Variants in CCDC171 observed in about 807,000 individuals in gnomAD.
The protein encoded by CCDC171 is coiled-coil domain containing 171, also known as coiled-coil domain-containing protein 171.
A neutral mutation model predicts 168.2 loss-of-function variants in CCDC171; 177 were observed. The observed-to-expected ratio is 1.05, with a 90% CI of 0.93 to 1.19. The LOEUF (loss-of-function observed/expected upper bound fraction) is 1.19, where lower values mean the gene tolerates loss of function less well. Ranked by LOEUF, CCDC171 falls within the 50% of genes most tolerant of loss-of-function variation. The pLI, the probability that CCDC171 is intolerant of heterozygous loss-of-function variation, is 0.00. For missense variants in CCDC171, 1,991 were observed against 1,539.0 expected (o/e 1.29, Z -4.91); for synonymous variants, 687 against 540.8 (o/e 1.27, Z -3.75).
intron 24 of CCDC171, among the ~76,000 whole-genome samples, chr9:15,908,741 C>T (rs1420341636): frequency 6.6e-6 from 1 of 152,056 alleles, no homozygotes. Flanking sequence ...AGGGAAGCTT[C>T]AGGAAGCTTA....
At chr9:15,724,729 T>A in intron 13 of CCDC171, 47 bp from the exon 14 acceptor site, 1 of 1,361,960 alleles carries the variant, frequency 7.3e-7, no homozygotes, top group Non-Finnish European at 1.0e-6. Context: ...CCCTCACCCC[T>A]TGTTGGCTGG....
chr9:15,921,118 C>T (rs373757682), intron 25 of CCDC171, among the ~76,000 whole-genome samples: 1 of 151,644 alleles, frequency 6.6e-6, no homozygotes, highest in Non-Finnish European at 1.5e-5. Context: ...ATTGGAATGT[C>T]TTTTTAATTT....
At chr9:15,625,245 A>G (rs1413306603) in intron 7 of CCDC171, among the ~76,000 whole-genome samples, 2 of 151,896 alleles carry the variant, frequency 1.3e-5, no homozygotes, top group African/African-American at 4.8e-5. Flanking sequence ...GATTGTAAAA[A>G]TTTTCTCCCA....
At chr9:15,999,243 G>T (rs1192404642) in intron 3 of CCDC171, among the ~76,000 whole-genome samples, 1 of 144,568 alleles carries the variant, frequency 6.9e-6, no homozygotes, top group African/African-American at 2.5e-5. Context: ...AAGATAGAAA[G>T]AAAAGAAAGA....
intron 16 of CCDC171, among the ~76,000 whole-genome samples, chr9:15,732,683 A>G (rs1052390553): frequency 1.3e-5 from 2 of 152,112 alleles, no homozygotes; most frequent in African/African-American, 4.8e-5. Context: ...ATTTTATCCA[A>G]ATACTTGCTG....
At chr9:15,983,959 AC>A (rs1196843354) in intron 3 of CCDC171, among the ~76,000 whole-genome samples, 1 of 151,966 alleles carries the variant, frequency 6.6e-6, no homozygotes, top group Non-Finnish European at 1.5e-5. Flanking sequence ...CCATCTTCCC[AC>A]CAGAACCATT....
chr9:15,895,261 A>G (rs1464854060), intron 24 of CCDC171, among the ~76,000 whole-genome samples: 1 of 152,122 alleles, frequency 6.6e-6, no homozygotes, highest in Non-Finnish European at 1.5e-5. Flanking sequence ...CATATGCTTT[A>G]TTTAGTAGAG....
At chr9:15,633,318 A>G (rs1587605010) in intron 7 of CCDC171, among the ~76,000 whole-genome samples, 1 of 152,294 alleles carries the variant, frequency 6.6e-6, no homozygotes, top group East Asian at 1.9e-4. Context: ...ACTCAAACAA[A>G]TTTACAAGAA....
chr9:15,670,275 G>A (rs890792357), intron 9 of CCDC171, among the ~76,000 whole-genome samples: 1 of 152,168 alleles, frequency 6.6e-6, no homozygotes, highest in East Asian at 1.9e-4. Context: ...AAAAAAAGCT[G>A]TGTGTGTATT....
chr9:16,069,439 G>A, the CCDC171 span, among the ~76,000 whole-genome samples: 1 of 152,244 alleles, frequency 6.6e-6, no homozygotes, highest in Admixed American at 6.5e-5. Context: ...ACGTGTGTGT[G>A]CGTGGAGACC....
In CCDC171 at chr9:15,576,940, G is replaced by A. The variant is rs146804966; in HGVS notation, c.178-1909G>A. ...GGTGTGGTCATTACTAATTCTTTCAGCAAGGAAAGGCTGGTTACCTCAGTC... is the reference window on the plus strand; with the variant it reads ...GGTGTGGTCATTACTAATTCTTTCAACAAGGAAAGGCTGGTTACCTCAGTC... On this transcript the variant is annotated intron_variant, in intron 3 of 25. Coordinates refer to ENST00000380701, the MANE Select transcript of CCDC171 (RefSeq NM_173550.4). Among the ~76,000 whole-genome samples the A allele has an allele frequency of 4.6e-4, 70 of 152,304 alleles. 1 individual carries two copies. Among genetic ancestry groups the A allele is most frequent in the African/African-American group, 1.6e-3 (66 of 41,578 alleles).
At chr9:16,081,676 C>T in the CCDC171 span, among the ~76,000 whole-genome samples, 2 of 152,194 alleles carry the variant, frequency 1.3e-5, no homozygotes, top group African/African-American at 2.4e-5. Flanking sequence ...TTATTGTTTG[C>T]ACCTCTGTGG....
At chr9:15,674,971 C>T (rs6474946) in intron 9 of CCDC171, among the ~76,000 whole-genome samples, 68,907 of 151,738 alleles carry the variant, frequency 0.45, 15,951 homozygotes, top group Non-Finnish European at 0.5. Flanking sequence ...TTTAAAGTCT[C>T]CCATTATTAT....
chr9:15,563,717 C>T (rs1010337429), intron 1 of CCDC171, among the ~76,000 whole-genome samples: 1 of 152,100 alleles, frequency 6.6e-6, no homozygotes, highest in African/African-American at 2.4e-5. Flanking sequence ...CAGTCAGCCA[C>T]GTGAATCACT....
intron 3 of CCDC171, among the ~76,000 whole-genome samples, chr9:16,000,472 A>G (rs1453536220): frequency 6.6e-6 from 1 of 152,130 alleles, no homozygotes; most frequent in East Asian, 1.9e-4. Flanking sequence ...AATTTTAATC[A>G]TCTTTAACAC....
At chr9:15,890,923 A>C (rs1460280632) in intron 24 of CCDC171, among the ~76,000 whole-genome samples, 1 of 152,172 alleles carries the variant, frequency 6.6e-6, no homozygotes, top group Non-Finnish European at 1.5e-5. Context: ...TTATATCAGA[A>C]TCAGAGTGGA....
intron 7 of CCDC171, among the ~76,000 whole-genome samples, chr9:15,654,452 G>C (rs1292661644): frequency 6.6e-6 from 1 of 152,204 alleles, no homozygotes; most frequent in African/African-American, 2.4e-5. Context: ...TCTGCACTAT[G>C]ATAGTCATTA....
At chr9:15,619,062 A>G (rs574558408) in intron 6 of CCDC171, among the ~76,000 whole-genome samples, 1 of 152,054 alleles carries the variant, frequency 6.6e-6, no homozygotes, top group African/African-American at 2.4e-5. Flanking sequence ...CTTAATTTAT[A>G]AATATATGTG....
chr9:15,915,610 T>C (rs1824395232), intron 24 of CCDC171, among the ~76,000 whole-genome samples: 1 of 152,202 alleles, frequency 6.6e-6, no homozygotes, highest in African/African-American at 2.4e-5. Context: ...TGTTATTTTT[T>C]TCCTCTTGCC....
Sources: allele counts gnomAD v4.1 joint callset (sites outside exome capture counted in the v4.1 genomes callset), GRCh38; gene constraint gnomAD v4.1.1; transcripts MANE v1.5; gene names NCBI Gene and HGNC (gene_info 2026-07-23, HGNC 2026-07-21).